The following SLCO5A1 variants were observed in gnomAD, a reference collection of about 807,000 sequenced individuals.
The protein encoded by SLCO5A1 is organic anion transporter polypeptide-related protein 4.
SLCO5A1 carries 39 observed loss-of-function variants against 65.1 expected under a neutral mutation model. The observed-to-expected ratio is 0.60, with a 90% CI of 0.46 to 0.78. The LOEUF is 0.78. Among genes scored for constraint, SLCO5A1 ranks in the 30% least tolerant of loss-of-function variants. SLCO5A1 has a pLI of 0.00. For missense variants in SLCO5A1, 1,029 were observed against 1,069.4 expected (o/e 0.96, Z 0.53); for synonymous variants, 438 against 415.7 (o/e 1.05, Z -0.65).
chr8:69,799,463 A>G (rs945131077), intron 2 of SLCO5A1, among the ~76,000 whole-genome samples: 3 of 152,188 alleles, frequency 2.0e-5, no homozygotes, highest in African/African-American at 7.2e-5. Flanking sequence ...AGTTTTCTAC[A>G]CACAGTAATG....
chr8:69,780,142 CA>C (rs1818732129), intron 2 of SLCO5A1, among the ~76,000 whole-genome samples: 2 of 151,932 alleles, frequency 1.3e-5, no homozygotes, highest in Non-Finnish European at 2.9e-5. Flanking sequence ...ATTAAAAAGA[CA>C]AAAAATAACA....
chr8:69,709,040 G>T (rs928425751), intron 5 of SLCO5A1, among the ~76,000 whole-genome samples: 1 of 152,242 alleles, frequency 6.6e-6, no homozygotes, highest in Admixed American at 6.5e-5. Flanking sequence ...TCTGACAAGA[G>T]CAATTTTAAG....
At chr8:69,809,593 TC>T (rs112417050) in intron 2 of SLCO5A1, among the ~76,000 whole-genome samples, 6 of 152,090 alleles carry the variant, frequency 3.9e-5, no homozygotes, top group African/African-American at 1.4e-4. Flanking sequence ...GCACCCTGAC[TC>T]CCCAAGGCTA....
chr8:69,814,806 AC>A (rs1415620814), intron 2 of SLCO5A1, among the ~76,000 whole-genome samples: 1 of 151,672 alleles, frequency 6.6e-6, no homozygotes, highest in African/African-American at 2.4e-5. Context: ...GATATAGAAA[AC>A]TATTCCACCT....
chr8:69,677,726 C>A (rs1214299489), intron 8 of SLCO5A1, among the ~76,000 whole-genome samples: 4 of 152,224 alleles, frequency 2.6e-5, no homozygotes, highest in East Asian at 3.8e-4. Context: ...TGGGAAATGC[C>A]TGATTCAGCA....
Position 69,723,773 on chromosome 8 carries a change from C to CTT in SLCO5A1, c.1423+14265_1423+14266dup, listed in dbSNP as rs11444497. ...TTCGTTTAACAACAATTTTAGTATGCTTTTTTTTTTTTTTTTGGAGACTGA... is the reference window on the plus strand; with the variant it reads ...TTCGTTTAACAACAATTTTAGTATGCTTTTTTTTTTTTTTTTTTGGAGACTGA... On this transcript the variant is annotated intron_variant, in intron 5 of 9. Transcript: ENST00000260126. Among the ~76,000 whole-genome samples, 353 of 133,208 alleles carry CTT rather than the reference C, an allele frequency of 2.6e-3. 3 individuals carry two copies. Among genetic ancestry groups the CTT allele is most frequent in the East Asian group, 2.6e-3 (12 of 4,602 alleles). 87.4% of individuals were successfully genotyped at this position (133,208 alleles called of 152,430 possible).
At chr8:69,790,645 T>C (rs1209919168) in intron 2 of SLCO5A1, among the ~76,000 whole-genome samples, 1 of 151,976 alleles carries the variant, frequency 6.6e-6, no homozygotes, top group Non-Finnish European at 1.5e-5. Flanking sequence ...AATGAGACCC[T>C]ATCTCTAAAA....
chr8:69,791,446 A>G (rs972044000), intron 2 of SLCO5A1, among the ~76,000 whole-genome samples: 3 of 152,226 alleles, frequency 2.0e-5, no homozygotes, highest in African/African-American at 7.2e-5. Context: ...GGGACACTAT[A>G]TTGTTAAATT....
chr8:69,776,517 C>G (rs1177482207), intron 2 of SLCO5A1, among the ~76,000 whole-genome samples: 1 of 151,994 alleles, frequency 6.6e-6, no homozygotes, highest in African/African-American at 2.4e-5. Flanking sequence ...TAGCAAGAAC[C>G]CATCTCTACA....
chr8:69,801,006 C>T (rs1383688101), intron 2 of SLCO5A1, among the ~76,000 whole-genome samples: 1 of 152,132 alleles, frequency 6.6e-6, no homozygotes, highest in Non-Finnish European at 1.5e-5. Flanking sequence ...ATGGAACTTA[C>T]ACACCCTCAT....
chr8:69,717,146 C>T (rs1386331160), intron 5 of SLCO5A1, among the ~76,000 whole-genome samples: 1 of 152,244 alleles, frequency 6.6e-6, no homozygotes, highest in African/African-American at 2.4e-5. Flanking sequence ...TCCAACTCAT[C>T]TATTTTTTCT....
chr8:69,762,184 TTC>T (rs1817821967), intron 2 of SLCO5A1, among the ~76,000 whole-genome samples: 1 of 112,826 alleles, frequency 8.9e-6, no homozygotes, highest in African/African-American at 3.4e-5. Context: ...CTTTCTTTCT[TTC>T]TTTCTTTCTT....
rs565659762 is a variant in SLCO5A1, at chr8:69,691,367, T to C, written c.1623-9024A>G. Reference sequence around the variant, plus strand: ...TGGTTAGAATACCTAACATGAAATCTACCTTCTTAACAAAGTTTTAAGTGT... The same window carrying C: ...TGGTTAGAATACCTAACATGAAATCCACCTTCTTAACAAAGTTTTAAGTGT... On this transcript the variant is annotated intron_variant, in intron 6 of 9. Coordinates refer to ENST00000260126, the MANE Select transcript of SLCO5A1 (RefSeq NM_030958.3). 2.5e-4 allele frequency among the ~76,000 whole-genome samples: 38 copies of C among 152,372 alleles called. 1 individual carries two copies. Among genetic ancestry groups the C allele is most frequent in the Admixed American group, 1.8e-3 (28 of 15,304 alleles).
intron 6 of SLCO5A1, among the ~76,000 whole-genome samples, chr8:69,696,511 C>T (rs909851322): frequency 5.3e-5 from 8 of 152,174 alleles, no homozygotes; most frequent in African/African-American, 1.2e-4. Context: ...CTCATTTATC[C>T]GTTGCCTCCC....
At chr8:69,739,998 CTG>C (rs1043832807) in intron 4 of SLCO5A1, among the ~76,000 whole-genome samples, 1 of 152,178 alleles carries the variant, frequency 6.6e-6, no homozygotes, top group African/African-American at 2.4e-5. Context: ...TATCACATGA[CTG>C]TTTTAAGAAA....
chr8:69,793,891 T>C (rs1407837391), intron 2 of SLCO5A1, among the ~76,000 whole-genome samples: 1 of 152,154 alleles, frequency 6.6e-6, no homozygotes, highest in Non-Finnish European at 1.5e-5. Flanking sequence ...TGACTGCCTA[T>C]TACATTCCAA....
At chr8:69,814,711 A>G (rs761280772) in intron 2 of SLCO5A1, among the ~76,000 whole-genome samples, 3 of 152,208 alleles carry the variant, frequency 2.0e-5, no homozygotes, top group Non-Finnish European at 4.4e-5. Context: ...TTTGTCAAGG[A>G]GATATTTGCA....
intron 7 of SLCO5A1, 112 bp from the exon 8 acceptor site, chr8:69,679,731 C>A: frequency 7.0e-7 from 1 of 1,421,688 alleles, no homozygotes; most frequent in African/African-American, 1.4e-5. Flanking sequence ...AATATTTTTT[C>A]AAACACAAAA....
chr8:69,799,253 A>G (rs1441918151), intron 2 of SLCO5A1, among the ~76,000 whole-genome samples: 3 of 152,152 alleles, frequency 2.0e-5, no homozygotes, highest in Non-Finnish European at 4.4e-5. Context: ...ATCTGGTACA[A>G]TTTTTCTTTG....
Sources: gnomAD v4.1 joint callset for allele counts (sites outside exome capture counted in the v4.1 genomes callset) on GRCh38, gnomAD v4.1.1 for gene constraint, MANE v1.5 for transcripts, NCBI Gene and HGNC (gene_info 2026-07-23, HGNC 2026-07-21) for gene names.